Variants in ATXN7L1 observed in about 807,000 individuals in gnomAD.
ATXN7L1 encodes the protein ataxin 7 like 1, also known as ataxin-7-like protein 1.
In ATXN7L1, 15 loss-of-function variants were observed where a neutral mutation model predicts 70.8. That is an observed-to-expected ratio of 0.21 (90% CI 0.14 to 0.33). The LOEUF is 0.33. ATXN7L1 is among the 10% of genes least tolerant of loss of function. The probability of loss-of-function intolerance (pLI) is 1.00; values close to 1 mark genes in which losing one functional copy is unlikely to be tolerated. For synonymous variants in ATXN7L1, 440 were observed against 445.1 expected (o/e 0.99, Z 0.14); for missense variants, 975 against 1,097.1 (o/e 0.89, Z 1.57).
intron 3 of ATXN7L1, among the ~76,000 whole-genome samples, chr7:105,696,795 T>C (rs939314170): frequency 2.0e-5 from 3 of 152,182 alleles, no homozygotes; most frequent in African/African-American, 7.2e-5. Flanking sequence ...AGGATGAAGC[T>C]GGGTAATGGG....
intron 3 of ATXN7L1, among the ~76,000 whole-genome samples, chr7:105,678,590 A>G (rs1805066322): frequency 6.6e-6 from 1 of 152,248 alleles, no homozygotes; most frequent in Non-Finnish European, 1.5e-5. Context: ...AACACAAAGT[A>G]CATATAAAAA....
At chr7:105,617,648 G>A (rs945779659) in intron 9 of ATXN7L1, 11 of 294,980 alleles carry the variant, frequency 3.7e-5, no homozygotes, top group Non-Finnish European at 6.6e-5. Context: ...AATGGCAGTG[G>A]ATTTCAGCTT....
chr7:105,873,922 C>A (rs1369210597), intron 2 of ATXN7L1, among the ~76,000 whole-genome samples: 8 of 151,930 alleles, frequency 5.3e-5, no homozygotes, highest in African/African-American at 1.9e-4. Context: ...GTCAAGAGAT[C>A]AAGACCATCC....
intron 2 of ATXN7L1, 47 bp from the exon 3 acceptor site, chr7:105,788,755 C>A: frequency 2.1e-6 from 3 of 1,441,100 alleles, no homozygotes; most frequent in Non-Finnish European, 2.9e-6. Flanking sequence ...GCAATTAAGT[C>A]TCAGAAGGTG....
rs558223642 is a variant in ATXN7L1, at chr7:105,614,048, G to A, written c.2286C>T (p.His762=). ...AGAGGGGCAGAGAAGACACAGCATT[G>A]TGTGAGGCCAGAGAGAGGTCCCCTG... ...LHAGDLSLAS[H]NAVSSLPLSF... The change falls in exon 10 of 12, where the codon CAC becomes CAT. Residue 762 remains histidine (H), a synonymous_variant. Transcript: ENST00000419735. This position sits in a 1 kb window ranked among gnomAD's most constrained non-coding sequence, Gnocchi z 4.3. 1.3e-6 allele frequency: 2 copies of A among 1,551,810 alleles called. No individual in the cohort carries two copies. The highest frequency in any genetic ancestry group is 1.7e-6 in the Non-Finnish European group (2 of 1,147,054).
At chr7:105,725,739 C>A (rs763459061) in intron 3 of ATXN7L1, among the ~76,000 whole-genome samples, 7 of 152,044 alleles carry the variant, frequency 4.6e-5, no homozygotes, top group Non-Finnish European at 7.4e-5. Flanking sequence ...CACCACAACG[C>A]CCAGCTAATT....
intron 2 of ATXN7L1, among the ~76,000 whole-genome samples, chr7:105,814,958 C>G (rs1180320885): frequency 6.6e-6 from 1 of 152,150 alleles, no homozygotes; most frequent in Non-Finnish European, 1.5e-5. Context: ...AGATCATTTA[C>G]TAGAAACATA....
intron 3 of ATXN7L1, among the ~76,000 whole-genome samples, chr7:105,754,966 G>T (rs2116395972): frequency 6.6e-6 from 1 of 152,304 alleles, no homozygotes; most frequent in Non-Finnish European, 1.5e-5. Flanking sequence ...CAGCCCTGGG[G>T]ACAGACATAA....
intron 3 of ATXN7L1, among the ~76,000 whole-genome samples, chr7:105,767,612 T>C (rs1801451385): frequency 6.6e-6 from 1 of 152,198 alleles, no homozygotes; most frequent in South Asian, 2.1e-4. Flanking sequence ...ACTTATTTTA[T>C]CCTCCTGACA....
chr7:105,620,364 A>G (rs984234624), intron 8 of ATXN7L1, 43 bp from the exon 9 acceptor site: 1 of 1,504,360 alleles, frequency 6.6e-7, no homozygotes, highest in African/African-American at 1.4e-5. Context: ...CAGGTTAATA[A>G]GCTAATATAA....
At chr7:105,634,198 G>C (rs992047335) in intron 7 of ATXN7L1, among the ~76,000 whole-genome samples, 12 of 152,148 alleles carry the variant, frequency 7.9e-5, no homozygotes, top group African/African-American at 2.4e-4. Context: ...TTTAGTTGCC[G>C]TTCACTGTTT....
intron 2 of ATXN7L1, among the ~76,000 whole-genome samples, chr7:105,845,989 A>G (rs953927388): frequency 2.6e-5 from 4 of 152,194 alleles, no homozygotes; most frequent in African/African-American, 9.7e-5. Context: ...AAATTAGACA[A>G]TGGTTTCTTA....
intron 3 of ATXN7L1, among the ~76,000 whole-genome samples, chr7:105,787,784 A>G (rs746787486): frequency 2.0e-5 from 3 of 152,242 alleles, no homozygotes; most frequent in Middle Eastern, 3.2e-3. Context: ...GGGCATTCAG[A>G]TTTTATGTTC....
chr7:105,740,224 A>T (rs182380231), intron 3 of ATXN7L1, among the ~76,000 whole-genome samples: 22 of 152,346 alleles, frequency 1.4e-4, no homozygotes, highest in Admixed American at 6.5e-4. Context: ...AGACAGCACC[A>T]TGCTGACCTG....
In ATXN7L1 at chr7:105,645,969, T is replaced by C. The variant is rs537278623; in HGVS notation, c.579-2848A>G. Among the ~76,000 whole-genome samples the C allele has an allele frequency of 2.6e-5, 4 of 151,170 alleles. No individual in the cohort carries two copies. In the South Asian group the frequency reaches 8.3e-4, roughly 32 times the overall value. On this transcript the variant is annotated intron_variant, in intron 4 of 11. Coordinates refer to ENST00000419735, the MANE Select transcript of ATXN7L1 (RefSeq NM_020725.2). Reference sequence around the variant, plus strand: ...TTGCAGTGCACTGAGATCATGCCACTGTACTCCCACCCGGGCGACAGAGCG... The same window carrying C: ...TTGCAGTGCACTGAGATCATGCCACCGTACTCCCACCCGGGCGACAGAGCG...
At chr7:105,671,889 CAAAAAAAAAAAAAAAAAA>C (rs55748938) in intron 3 of ATXN7L1, among the ~76,000 whole-genome samples, 1 of 56,430 alleles carries the variant, frequency 1.8e-5, no homozygotes, top group East Asian at 6.2e-4. Context: ...GACCCTGTCT[CAAAAAAAAAAAAAAAAAA>C]AAAAAAAAGA....
intron 4 of ATXN7L1, among the ~76,000 whole-genome samples, chr7:105,645,646 A>AG (rs1389325434): frequency 6.6e-6 from 1 of 151,510 alleles, no homozygotes; most frequent in Non-Finnish European, 1.5e-5. Flanking sequence ...AATCCAAAAA[A>AG]AAAAAAAAAA....
intron 3 of ATXN7L1, among the ~76,000 whole-genome samples, chr7:105,731,617 A>C (rs1379968781): frequency 1.3e-5 from 2 of 151,070 alleles, no homozygotes; most frequent in African/African-American, 4.9e-5. Context: ...TTATTTTTTA[A>C]GTAGAGATGG....
chr7:105,683,534 C>A (rs1459185248), intron 3 of ATXN7L1, among the ~76,000 whole-genome samples: 1 of 152,032 alleles, frequency 6.6e-6, no homozygotes, highest in Non-Finnish European at 1.5e-5. Context: ...CAAAAATTAG[C>A]CGAGCGTGGT....
Sources: gnomAD v4.1 joint callset for allele counts (sites outside exome capture counted in the v4.1 genomes callset) on GRCh38, gnomAD v4.1.1 for gene constraint, Gnocchi (gnomAD v3.1) non-coding constraint, MANE v1.5 for transcripts, NCBI Gene and HGNC (gene_info 2026-07-23, HGNC 2026-07-21) for gene names.